Variants in CACNA1S observed in about 807,000 individuals in gnomAD.
CACNA1S encodes voltage-dependent L-type calcium channel subunit alpha-1S.
In CACNA1S, 126 loss-of-function variants were observed where a neutral mutation model predicts 207.4. That is an observed-to-expected ratio of 0.61 (90% CI 0.53 to 0.70). CACNA1S has a LOEUF of 0.70. CACNA1S is among the 30% of genes least tolerant of loss of function. The pLI is 0.00. For missense variants in CACNA1S, 2,349 were observed against 2,422.8 expected (o/e 0.97, Z 0.64); for synonymous variants, 960 against 932.7 (o/e 1.03, Z -0.53).
chr1:201,055,490 C>A (rs981390788), intron 28 of CACNA1S, among the ~76,000 whole-genome samples: 4 of 152,220 alleles, frequency 2.6e-5, no homozygotes, highest in Non-Finnish European at 5.9e-5. Flanking sequence ...GCAAGGATGA[C>A]GACCAGTGTT....
At chr1:201,073,144 G>T (rs1661481087) in intron 15 of CACNA1S, among the ~76,000 whole-genome samples, 1 of 152,174 alleles carries the variant, frequency 6.6e-6, no homozygotes, top group African/African-American at 2.4e-5. Flanking sequence ...TCTGGGCCCA[G>T]TTCCCTGACT....
At chr1:201,099,501 C>A (rs920611805) in intron 2 of CACNA1S, among the ~76,000 whole-genome samples, 3 of 152,212 alleles carry the variant, frequency 2.0e-5, no homozygotes, top group African/African-American at 7.2e-5. Flanking sequence ...GCATGGTGAC[C>A]TGCTCAGGCA....
At chr1:201,098,732 G>A (rs1245843280) in intron 2 of CACNA1S, among the ~76,000 whole-genome samples, 1 of 152,188 alleles carries the variant, frequency 6.6e-6, no homozygotes, top group Non-Finnish European at 1.5e-5. Context: ...AGAGCAGGAG[G>A]GCAGTGGCTG....
At chr1:201,042,177 C>G (rs750202363) in intron 40 of CACNA1S, among the ~76,000 whole-genome samples, 2 of 152,178 alleles carry the variant, frequency 1.3e-5, no homozygotes, top group African/African-American at 4.8e-5. Context: ...TGTTCTCTCA[C>G]CCAGGCTGGA....
chr1:201,050,931 T>C, intron 33 of CACNA1S, 53 bp downstream of exon 33: 2 of 1,590,010 alleles, frequency 1.3e-6, no homozygotes, highest in South Asian at 2.2e-5. Context: ...GGCTCCCCCA[T>C]GCCTCAGCTT....
intron 6 of CACNA1S, 74 bp from the exon 7 acceptor site, chr1:201,088,003 C>T (rs1394384895): frequency 3.1e-6 from 3 of 956,746 alleles, no homozygotes; most frequent in Admixed American, 1.9e-5. Context: ...CATTAAGACT[C>T]CACCCAACCC....
In CACNA1S at chr1:201,102,883, C is replaced by T. The variant is rs552041360; in HGVS notation, c.258+7281G>A. On this transcript the variant is annotated intron_variant, in intron 2 of 43. Coordinates refer to ENST00000362061, the MANE Select transcript of CACNA1S (RefSeq NM_000069.3). The stretch of plus-strand genomic sequence containing the variant: ...ATCCACCCCAGGTCTGTCTTTGCCC[C>T]CCGAGGCTTGGGTTCAGTGTGACTT... Among the ~76,000 whole-genome samples, 4 of 152,272 alleles carry T rather than the reference C, an allele frequency of 2.6e-5. No homozygotes were observed. The South Asian group carries it at 8.3e-4, about 32-fold the overall frequency.
At chr1:201,091,853 C>T in intron 4 of CACNA1S, 61 bp from the exon 5 acceptor site, 1 of 1,594,738 alleles carries the variant, frequency 6.3e-7, no homozygotes, top group South Asian at 1.1e-5. Flanking sequence ...CTTGGCCCTC[C>T]CTCCCTATAA....
chr1:201,080,760 G>GT (rs1319161407), intron 10 of CACNA1S, among the ~76,000 whole-genome samples: 3 of 151,388 alleles, frequency 2.0e-5, no homozygotes, highest in Admixed American at 2.0e-4. Context: ...TTGTTTGTTT[G>GT]TTTTTTTAAT....
At chr1:201,052,815 T>G (rs1660701913) in intron 31 of CACNA1S, among the ~76,000 whole-genome samples, 167 bp from the exon 32 acceptor site, 1 of 151,956 alleles carries the variant, frequency 6.6e-6, no homozygotes, top group South Asian at 2.1e-4. Flanking sequence ...GGGATTATTT[T>G]CTAGATCAGG....
At chr1:201,088,537 C>T (rs932687874) in intron 6 of CACNA1S, among the ~76,000 whole-genome samples, 10 of 152,308 alleles carry the variant, frequency 6.6e-5, no homozygotes, top group African/African-American at 2.2e-4. Context: ...CAATAGGCGG[C>T]GTCATATTGT....
At chr1:201,089,205 T>G (rs1449009799) in intron 6 of CACNA1S, 53 bp downstream of exon 6, 2 of 1,580,742 alleles carry the variant, frequency 1.3e-6, no homozygotes, top group Non-Finnish European at 1.7e-6. Context: ...CCCACTCCCT[T>G]GCAAGCCTGT....
chr1:201,045,140 C>A (rs1660432994), intron 38 of CACNA1S, among the ~76,000 whole-genome samples: 1 of 152,188 alleles, frequency 6.6e-6, no homozygotes, highest in Non-Finnish European at 1.5e-5. Flanking sequence ...AGTAATGGGA[C>A]AAGTCAAGAC....
chr1:201,070,955 G>GA (rs921666623), intron 16 of CACNA1S, among the ~76,000 whole-genome samples: 1 of 152,126 alleles, frequency 6.6e-6, no homozygotes, highest in African/African-American at 2.4e-5. Context: ...TTCCAGCATG[G>GA]AAAAAAGCAA....
rs1185956815 is a variant in CACNA1S at position 201,078,191 on chromosome 1, G to A, written c.1394-87C>T. ...TGGCTGTGGCTGGGCCTCAACCCAG[G>A]ACGCCCCTTCCCTTGTTTCCAAGGC... On this transcript the variant is annotated intron_variant, in intron 10 of 43. Transcript: ENST00000362061. 2.8e-6 allele frequency: 3 copies of A among 1,059,714 alleles called. No homozygotes were observed. In the Admixed American group the frequency reaches 5.2e-5, roughly 18 times the overall value. The allele number at this position is 1,059,714 out of a possible 1,614,324, so 65.6% of individuals were successfully genotyped here.
chr1:201,093,468 C>G (rs548459357), intron 3 of CACNA1S, among the ~76,000 whole-genome samples: 1 of 152,208 alleles, frequency 6.6e-6, no homozygotes, highest in Non-Finnish European at 1.5e-5. Context: ...CAAACTAATA[C>G]AGGTTAATAA....
chr1:201,084,062 G>A (rs1661947733), intron 9 of CACNA1S, among the ~76,000 whole-genome samples: 1 of 152,176 alleles, frequency 6.6e-6, no homozygotes, highest in African/African-American at 2.4e-5. Context: ...AAAGATACAA[G>A]AAGGAAAGTG....
chr1:201,096,843 G>A (rs1662451601), intron 2 of CACNA1S, among the ~76,000 whole-genome samples: 2 of 152,186 alleles, frequency 1.3e-5, no homozygotes, highest in South Asian at 4.1e-4. Context: ...TGCCTACACT[G>A]TGTTCTATTG....
chr1:201,104,699 T>C (rs139646204), intron 2 of CACNA1S, among the ~76,000 whole-genome samples: 1 of 152,374 alleles, frequency 6.6e-6, no homozygotes, highest in Non-Finnish European at 1.5e-5. Flanking sequence ...TACTTTGACA[T>C]AGGATTGCTT....
Sources: allele counts gnomAD v4.1 joint callset (sites outside exome capture counted in the v4.1 genomes callset), GRCh38; gene constraint gnomAD v4.1.1; transcripts MANE v1.5; gene names NCBI Gene and HGNC (gene_info 2026-07-23, HGNC 2026-07-21).